The following DMD variants were observed in gnomAD, a reference collection of about 807,000 sequenced individuals.
The protein encoded by DMD is mutant dystrophin.
Under a neutral mutation model 330.1 loss-of-function variants are expected in DMD, and 63 were observed. The observed-to-expected ratio is 0.19, with a 90% CI of 0.16 to 0.24. The LOEUF (loss-of-function observed/expected upper bound fraction) is 0.24. Ranked by LOEUF, DMD falls within the 10% of genes least tolerant of loss-of-function variation. The pLI is 1.00. For missense variants in DMD, 3,344 were observed against 2,684.1 expected (o/e 1.25, Z -5.43); for synonymous variants, 1,223 against 959.8 (o/e 1.27, Z -5.07).
chrX:32,527,975 A>T (rs928114383), intron 17 of DMD, among the ~76,000 whole-genome samples: 17 of 111,862 alleles, frequency 1.5e-4, no homozygotes, highest in Non-Finnish European at 7.5e-5. Context: ...GTGTATGTTT[A>T]AGTTGCTTTA....
At chrX:32,385,941 A>G (rs1429027805) in intron 33 of DMD, among the ~76,000 whole-genome samples, 4 of 110,334 alleles carry the variant, frequency 3.6e-5, no homozygotes, top group South Asian at 3.9e-4. Flanking sequence ...AGTCATCACA[A>G]GTAGATATAT....
intron 60 of DMD, among the ~76,000 whole-genome samples, chrX:31,366,051 A>C (rs2059211796): frequency 8.9e-6 from 1 of 112,349 alleles, no homozygotes; most frequent in Non-Finnish European, 1.9e-5. Flanking sequence ...GACAGTCACT[A>C]GTTACCGGCA....
intron 47 of DMD, among the ~76,000 whole-genome samples, chrX:31,923,683 C>T (rs2094726637): frequency 9.5e-6 from 1 of 104,944 alleles, no homozygotes; most frequent in Non-Finnish European, 1.9e-5. Flanking sequence ...CTGCAACCTC[C>T]TACTCCCTGG....
intron 55 of DMD, among the ~76,000 whole-genome samples, chrX:31,561,501 TGTCCTCCTTCAACAGTGCTA>T (rs1285541027): frequency 1.8e-5 from 2 of 112,149 alleles, no homozygotes; most frequent in Non-Finnish European, 3.8e-5. Flanking sequence ...ATTACTCTGT[TGTCCTCCTTCAACAGTGCTA>T]GTTACAGACT....
At chrX:32,232,263 G>C (rs762301408) in intron 43 of DMD, among the ~76,000 whole-genome samples, 1 of 112,113 alleles carries the variant, frequency 8.9e-6, no homozygotes, top group African/African-American at 3.2e-5. Context: ...TATAAAAATA[G>C]AGATACAGTA....
At position 31,828,663 on chromosome X, in the gene DMD, CAAA is replaced by C. The variant is rs147580367; in HGVS notation, c.7200+8052_7200+8054del. 4.7e-4 allele frequency among the ~76,000 whole-genome samples: 31 copies of C among 66,097 alleles called. 1 individual carries two copies. Among genetic ancestry groups the C allele is most frequent in the South Asian group, 1.8e-3 (2 of 1,092 alleles). The allele number at this position is 66,097 out of a possible 115,157, so 57.4% of individuals were successfully genotyped here. On this transcript the variant is annotated intron_variant, in intron 49 of 78. Coordinates refer to ENST00000357033, the MANE Select transcript of DMD (RefSeq NM_004006.3). ...TAGGTGAAAGAGCAAAACTCCATCT[CAAA>C]AAAAAAAAAAAAAAAGAAAGAAACC...
At chrX:31,385,440 C>T (rs756449434) in intron 60 of DMD, among the ~76,000 whole-genome samples, 1 of 111,783 alleles carries the variant, frequency 8.9e-6, no homozygotes, top group African/African-American at 3.2e-5. Context: ...CCACAGGGTT[C>T]TGTGGCCATC....
chrX:33,311,647 T>G (rs2053850850), intron 1 of DMD, among the ~76,000 whole-genome samples: 1 of 110,709 alleles, frequency 9.0e-6, no homozygotes. Context: ...AGGAATTTCT[T>G]GAAAGCATAT....
chrX:32,882,599 T>A (rs2084067022), intron 2 of DMD, among the ~76,000 whole-genome samples: 1 of 112,277 alleles, frequency 8.9e-6, no homozygotes, highest in African/African-American at 3.2e-5. Context: ...TAGATATACT[T>A]CAGTACAAGG....
At chrX:31,358,954 T>A (rs2058800087) in intron 60 of DMD, among the ~76,000 whole-genome samples, 1 of 111,907 alleles carries the variant, frequency 8.9e-6, no homozygotes, top group Non-Finnish European at 1.9e-5. Context: ...GATTAGTAAA[T>A]AACCCTAGGA....
chrX:32,044,723 A>G (rs1268663653), intron 44 of DMD, among the ~76,000 whole-genome samples: 1 of 112,148 alleles, frequency 8.9e-6, no homozygotes, highest in Non-Finnish European at 1.9e-5. Context: ...CACCCAGCCT[A>G]TATCATTGTT....
chrX:31,943,422 T>C (rs1214727086), intron 45 of DMD, among the ~76,000 whole-genome samples: 1 of 112,228 alleles, frequency 8.9e-6, no homozygotes. Flanking sequence ...ATAGAAAAAC[T>C]AGACATTGCA....
chrX:32,787,246 G>GTGTGTGT (rs2075449237), intron 7 of DMD, among the ~76,000 whole-genome samples: 1 of 90,106 alleles, frequency 1.1e-5, no homozygotes, highest in Non-Finnish European at 2.3e-5. Flanking sequence ...GTGTGTGTGT[G>GTGTGTGT]TGAGAGAGAG....
intron 2 of DMD, among the ~76,000 whole-genome samples, chrX:32,858,076 A>G (rs1032962569): frequency 9.0e-6 from 1 of 110,810 alleles, no homozygotes; most frequent in Admixed American, 9.6e-5. Flanking sequence ...ATGATATATT[A>G]AAGTATCACA....
rs1466042547 is a variant in DMD at position 31,208,412 on chromosome X, G to A, written c.9563+1086C>T. On this transcript the variant is annotated intron_variant, in intron 65 of 78. Coordinates refer to ENST00000357033, the MANE Select transcript of DMD (RefSeq NM_004006.3). Reference sequence around the variant, plus strand: ...CAGGTAGAAGGAAGTTATACATTCAGAATGCATTCACATGTCATCTGCAAA... The same window carrying A: ...CAGGTAGAAGGAAGTTATACATTCAAAATGCATTCACATGTCATCTGCAAA... Among the ~76,000 whole-genome samples, 4 of 112,120 alleles carry A rather than the reference G, an allele frequency of 3.6e-5. No individual in the cohort carries two copies. In the East Asian group the frequency reaches 8.4e-4, roughly 23 times the overall value.
intron 17 of DMD, among the ~76,000 whole-genome samples, chrX:32,528,880 C>T (rs1378953241): frequency 1.0e-5 from 1 of 99,056 alleles, no homozygotes; most frequent in Admixed American, 1.1e-4. Context: ...GTTGTCCTGC[C>T]TTTCTGGACC....
chrX:31,494,252 T>C (rs2069615559), intron 57 of DMD, among the ~76,000 whole-genome samples: 1 of 110,472 alleles, frequency 9.1e-6, no homozygotes, highest in Non-Finnish European at 1.9e-5. Context: ...GACAACTACA[T>C]TGTTGTCTGG....
At chrX:31,451,381 C>T (rs1410150272) in intron 59 of DMD, among the ~76,000 whole-genome samples, 1 of 103,695 alleles carries the variant, frequency 9.6e-6, no homozygotes, top group African/African-American at 3.6e-5. Flanking sequence ...CTCCTGGGTT[C>T]AAGTGATTCT....
chrX:31,622,782 A>G (rs1474988245), intron 55 of DMD, among the ~76,000 whole-genome samples: 1 of 105,823 alleles, frequency 9.4e-6, no homozygotes, highest in African/African-American at 3.4e-5. Flanking sequence ...CAGACCTAAC[A>G]CCACGACACA....
Sources: allele counts gnomAD v4.1 joint callset (sites outside exome capture counted in the v4.1 genomes callset), GRCh38; gene constraint gnomAD v4.1.1; transcripts MANE v1.5; gene names NCBI Gene and HGNC (gene_info 2026-07-23, HGNC 2026-07-21).